TRIP4: variants seen among roughly 807,000 people sequenced by gnomAD.
TRIP4 encodes the protein thyroid hormone receptor interactor 4.
In TRIP4, 54 loss-of-function variants were observed where a neutral mutation model predicts 81.8. The observed-to-expected ratio is 0.66, with a 90% CI of 0.53 to 0.83. The LOEUF is 0.83. Among genes scored for constraint, TRIP4 ranks in the 40% least tolerant of loss-of-function variants. The pLI is 0.00. For synonymous variants in TRIP4, 270 were observed against 242.8 expected (o/e 1.11, Z -1.04); for missense variants, 662 against 683.6 (o/e 0.97, Z 0.35).
chr15:64,397,897 CTT>C (rs755471300), intron 4 of TRIP4, 79 bp downstream of exon 4: 1 of 1,498,956 alleles, frequency 6.7e-7, no homozygotes, highest in Non-Finnish European at 9.1e-7. Flanking sequence ...AGTAATTTCT[CTT>C]TTTTTGTTTT....
chr15:64,395,815 A>G (rs867023160), intron 3 of TRIP4, among the ~76,000 whole-genome samples: 2 of 147,670 alleles, frequency 1.4e-5, no homozygotes, highest in African/African-American at 5.0e-5. Flanking sequence ...ATCTCTGCTC[A>G]TTGCAACCTC....
intron 5 of TRIP4, 47 bp downstream of exon 5, chr15:64,400,868 G>C (rs182507164): frequency 6.9e-7 from 1 of 1,457,152 alleles, no homozygotes; most frequent in Non-Finnish European, 9.6e-7. Flanking sequence ...TGGGTACCTT[G>C]TTGCGTCTGT....
chr15:64,419,324 A>AAG (rs1293864812), intron 9 of TRIP4, among the ~76,000 whole-genome samples: 1 of 152,118 alleles, frequency 6.6e-6, no homozygotes, highest in Non-Finnish European at 1.5e-5. Context: ...TTAATAGCTT[A>AAG]CTATTCCGTG....
intron 11 of TRIP4, among the ~76,000 whole-genome samples, chr15:64,436,522 C>T (rs1337331904): frequency 2.0e-5 from 3 of 151,602 alleles, no homozygotes; most frequent in South Asian, 2.1e-4. Context: ...ACCAAGGAGG[C>T]GGAGGTTGCA....
intron 5 of TRIP4, among the ~76,000 whole-genome samples, chr15:64,404,715 CTTGT>C (rs912595014): frequency 2.6e-5 from 4 of 151,620 alleles, no homozygotes; most frequent in Non-Finnish European, 4.4e-5. Flanking sequence ...ACGTACTGTC[CTTGT>C]TTGTTTGTTT....
At chr15:64,421,406 G>C (rs556219915) in intron 9 of TRIP4, among the ~76,000 whole-genome samples, 1 of 149,516 alleles carries the variant, frequency 6.7e-6, no homozygotes, top group Non-Finnish European at 1.5e-5. Flanking sequence ...GCATGATCTC[G>C]GCTTGCTGCA....
intron 6 of TRIP4, among the ~76,000 whole-genome samples, chr15:64,409,076 G>A (rs1891700382): frequency 6.6e-6 from 1 of 151,974 alleles, no homozygotes; most frequent in Non-Finnish European, 1.5e-5. Flanking sequence ...AGCCAGGCAT[G>A]GTGTTGCGCC....
At chr15:64,390,909 A>T (rs577147578) in intron 1 of TRIP4, among the ~76,000 whole-genome samples, 2 of 151,978 alleles carry the variant, frequency 1.3e-5, no homozygotes, top group Non-Finnish European at 2.9e-5. Flanking sequence ...AAAAAAAAAA[A>T]TTATATTCCG....
rs1566972366 is a variant in TRIP4, at chr15:64,397,661, C to G, written c.461C>G (p.Thr154Arg). Reference sequence around the variant, plus strand: ...AAGACAAAGTTTGTCAATTTATACACAAGAGAGGGACAGGACAGGCTTGCA... The same window carrying G: ...AAGACAAAGTTTGTCAATTTATACAGAAGAGAGGGACAGGACAGGCTTGCA... ...KKKTKFVNLY[T>R]REGQDRLAVL... is the part of the protein sequence containing the mutation. The change falls in exon 4 of 13, where the codon ACA becomes AGA. Residue 154 changes from threonine to arginine, a missense_variant. By Grantham distance (71) the Thr-to-Arg change is moderately conservative. Transcript: ENST00000261884. The G allele has an allele frequency of 6.2e-7, 1 of 1,614,052 alleles. No individual in the cohort carries two copies. The highest frequency in any genetic ancestry group is 1.3e-5 in the African/African-American group (1 of 74,942).
intron 11 of TRIP4, among the ~76,000 whole-genome samples, chr15:64,442,363 T>G (rs1892536088): frequency 6.6e-6 from 1 of 152,066 alleles, no homozygotes; most frequent in Non-Finnish European, 1.5e-5. Context: ...TGGTGAGATA[T>G]TGGATATACT....
chr15:64,450,275 G>C (rs950161073), intron 12 of TRIP4, among the ~76,000 whole-genome samples: 1 of 151,990 alleles, frequency 6.6e-6, no homozygotes, highest in African/African-American at 2.4e-5. Context: ...TGTAGTCCCA[G>C]CTACTCGGGA....
intron 2 of TRIP4, among the ~76,000 whole-genome samples, chr15:64,394,705 T>G (rs1900239508): frequency 6.6e-6 from 1 of 151,894 alleles, no homozygotes; most frequent in African/African-American, 2.4e-5. Flanking sequence ...TAAAGAAACA[T>G]TTTTCAGTCG....
At position 64,394,111 on chromosome 15, in the gene TRIP4, A is replaced by G. The variant is rs1358084007; in HGVS notation, c.267A>G (p.Lys89=). The G allele has an allele frequency of 5.0e-6, 8 of 1,591,784 alleles. No individual in the cohort carries two copies. Among genetic ancestry groups the G allele is most frequent in the Non-Finnish European group, 6.8e-6 (8 of 1,168,830 alleles). ...ISDPLQQCFK[K]DEILDGQKSG... is the part of the protein sequence containing the mutation. ...ATCCTTTGCAGCAGTGCTTCAAAAA[A>G]GATGGTAAGTTAATGTAATTATGCA... Residue 89 remains lysine (K), a synonymous_variant, in exon 2 of 13, where the codon AAA becomes AAG. Transcript: ENST00000261884.
Position 64,393,869 on chromosome 15 carries a change from C to A in TRIP4, c.102-77C>A, listed in dbSNP as rs531602350. ...ATAGATTAATGAATGGTTTTTACTA[C>A]CTAGATCTCTGTTAAGATTACTGAG... On this transcript the variant is annotated intron_variant, in intron 1 of 12. Transcript: ENST00000261884. 7.9e-5 allele frequency: 109 copies of A among 1,382,502 alleles called. 1 individual carries two copies. In the Admixed American group the frequency reaches 2.9e-3, roughly 36 times the overall value. 85.6% of individuals were successfully genotyped at this position (1,382,502 alleles called of 1,614,324 possible).
Position 64,445,025 on chromosome 15 carries a change from AGT to A in TRIP4, c.1596_1597del (p.Glu532AspfsTer2), listed in dbSNP as rs1892593609. On this transcript the variant is annotated frameshift_variant, in exon 12 of 13. Transcript: ENST00000261884. LOFTEE classifies it high-confidence loss of function. ...TCACAGTTTCCAGACATCAGTCAAG[AGT>A]CTGATTCTCCATTTGTTTTCATCTG... The A allele has an allele frequency of 6.3e-7, 1 of 1,586,086 alleles. No individual in the cohort carries two copies.
At chr15:64,431,847 A>ATATATATATATATATATTTTTTT in intron 11 of TRIP4, among the ~76,000 whole-genome samples, 3 of 119,554 alleles carry the variant, frequency 2.5e-5, no homozygotes, top group African/African-American at 9.7e-5. Context: ...ATATATATAT[A>ATATATATATATATATATTTTTTT]TTTTTTTTAT....
At chr15:64,392,116 A>C (rs1395085905) in intron 1 of TRIP4, among the ~76,000 whole-genome samples, 1 of 151,244 alleles carries the variant, frequency 6.6e-6, no homozygotes, top group African/African-American at 2.4e-5. Flanking sequence ...CTCTACTAAA[A>C]AAAAGCAAAA....
At chr15:64,389,492 A>G (rs1295457800) in intron 1 of TRIP4, among the ~76,000 whole-genome samples, 1 of 152,050 alleles carries the variant, frequency 6.6e-6, no homozygotes, top group Non-Finnish European at 1.5e-5. Context: ...GTAAACAACA[A>G]GATAAAGGAT....
At chr15:64,414,297 G>GAT (rs1891839335) in intron 8 of TRIP4, 86 bp downstream of exon 8, 14 of 1,546,332 alleles carry the variant, frequency 9.1e-6, no homozygotes, top group Non-Finnish European at 1.1e-5. Context: ...ATAGACTTCA[G>GAT]ATACCAATCA....
Sources: allele counts gnomAD v4.1 joint callset (sites outside exome capture counted in the v4.1 genomes callset), GRCh38; gene constraint gnomAD v4.1.1; transcripts MANE v1.5; gene names NCBI Gene and HGNC (gene_info 2026-07-23, HGNC 2026-07-21).